Variants in NPAS3 observed in about 807,000 individuals in gnomAD.
The protein encoded by NPAS3 is neuronal PAS domain-containing protein 3.
NPAS3 carries 14 observed loss-of-function variants against 73.1 expected under a neutral mutation model. The ratio of observed to expected loss-of-function variants is 0.19; its 90% CI spans 0.13 to 0.30. NPAS3 has a LOEUF of 0.30. NPAS3 is among the 10% of genes least tolerant of loss of function. The pLI is 1.00. For missense variants in NPAS3, 1,096 were observed against 1,250.0 expected, an observed-to-expected ratio of 0.88 and a Z score of 1.86; for synonymous variants, 620 against 541.5, an observed-to-expected ratio of 1.14 and a Z score of -2.01.
At position 33,347,720 on chromosome 14, in the gene NPAS3, T is replaced by G. The variant is rs73258827; in HGVS notation, c.386-19466T>G. ...AATGGTATAGTATTTGCATATAACC[T>G]AGGTACATCCTCCCATACACTTTAA... On this transcript the variant is annotated intron_variant, in intron 3 of 11. Coordinates refer to ENST00000356141, the Ensembl canonical transcript of NPAS3. Among the ~76,000 whole-genome samples, 303 of 152,338 alleles carry G rather than the reference T, an allele frequency of 2.0e-3. 1 individual carries two copies. The highest frequency in any genetic ancestry group is 6.8e-3 in the African/African-American group (284 of 41,588).
In NPAS3 at chr14:33,644,881, G is replaced by C. The variant is rs952482271; in HGVS notation, c.559-31330G>C. Among the ~76,000 whole-genome samples the C allele has an allele frequency of 3.3e-5, 5 of 152,204 alleles. No homozygotes were observed. In the South Asian group the frequency reaches 1.0e-3, roughly 32 times the overall value. ...GCGGATCACAAGGTCAGGGGTTTGA[G>C]ACCAGCCTCACCAACATGGTGAAAC... On this transcript the variant is annotated intron_variant, in intron 5 of 11. Coordinates refer to ENST00000356141, the Ensembl canonical transcript of NPAS3.
At chr14:33,531,133 C>G (rs1308829672) in intron 4 of NPAS3, among the ~76,000 whole-genome samples, 4 of 151,930 alleles carry the variant, frequency 2.6e-5, no homozygotes, top group Non-Finnish European at 2.9e-5. Flanking sequence ...GCCCCTTGGA[C>G]CATTATATAG....
chr14:33,383,336 C>T (rs954519767), intron 4 of NPAS3, among the ~76,000 whole-genome samples: 5 of 152,070 alleles, frequency 3.3e-5, no homozygotes, highest in African/African-American at 1.2e-4. Context: ...CATATAACTT[C>T]CAACTGATTG....
chr14:33,188,335 T>G (rs1413154730), intron 2 of NPAS3, among the ~76,000 whole-genome samples: 1 of 152,126 alleles, frequency 6.6e-6, no homozygotes, highest in African/African-American at 2.4e-5. Flanking sequence ...ACTGTATGAG[T>G]TTTTCTTATC....
At chr14:33,475,896 C>T (rs532479290) in intron 4 of NPAS3, among the ~76,000 whole-genome samples, 1 of 152,288 alleles carries the variant, frequency 6.6e-6, no homozygotes, top group South Asian at 2.1e-4. Flanking sequence ...AGCTGCCTGG[C>T]CTGGCTTCTC....
chr14:33,568,062 C>G (rs1021361904), intron 5 of NPAS3, among the ~76,000 whole-genome samples: 1 of 151,320 alleles, frequency 6.6e-6, no homozygotes, highest in African/African-American at 2.4e-5. Context: ...TTAAAGTGAG[C>G]AAGACAAAAA....
chr14:33,253,979 C>T (rs1176258040), intron 3 of NPAS3, among the ~76,000 whole-genome samples: 1 of 152,120 alleles, frequency 6.6e-6, no homozygotes, highest in Non-Finnish European at 1.5e-5. Flanking sequence ...ATCCACCCAG[C>T]TACCCAAATA....
intron 1 of NPAS3, among the ~76,000 whole-genome samples, chr14:33,053,092 T>G (rs2040767237): frequency 6.6e-6 from 1 of 152,242 alleles, no homozygotes; most frequent in Admixed American, 6.5e-5. Context: ...TCATCTGTTC[T>G]TGTTTGCACA....
At chr14:33,110,726 G>A (rs1348631745) in intron 2 of NPAS3, among the ~76,000 whole-genome samples, 1 of 152,142 alleles carries the variant, frequency 6.6e-6, no homozygotes, top group Non-Finnish European at 1.5e-5. Flanking sequence ...GGATTCATAT[G>A]TTGAAAGGCA....
At chr14:33,623,501 G>GT (rs1450782271) in intron 5 of NPAS3, among the ~76,000 whole-genome samples, 8 of 152,178 alleles carry the variant, frequency 5.3e-5, no homozygotes, top group Non-Finnish European at 1.2e-4. Flanking sequence ...AGTTCAGGTC[G>GT]TATCATCTGT....
At chr14:33,397,662 A>G (rs1471680829) in intron 4 of NPAS3, among the ~76,000 whole-genome samples, 1 of 152,158 alleles carries the variant, frequency 6.6e-6, no homozygotes, top group Non-Finnish European at 1.5e-5. Flanking sequence ...TGGTTCTCCC[A>G]AGACATGTAG....
rs1447809968 is a variant in NPAS3 at position 33,800,110 on chromosome 14, GA to G, written c.1807del (p.Arg603GlyfsTer80). 1 of 1,584,570 alleles carries G rather than the reference GA, an allele frequency of 6.3e-7. No homozygotes were observed. On this transcript the variant is annotated frameshift_variant, in exon 12 of 12. Coordinates refer to ENST00000356141, the Ensembl canonical transcript of NPAS3. LOFTEE classifies it high-confidence loss of function. This position sits in a 1 kb window ranked among gnomAD's most constrained non-coding sequence, Gnocchi z 6.5. ...CCTCCAGCAAGCACCAGAAGCGCAAGAAAAGGCGGAAACGGCAAAAGGGCGG... is the reference window on the plus strand; with the variant it reads ...CCTCCAGCAAGCACCAGAAGCGCAAGAAAGGCGGAAACGGCAAAAGGGCGG...
At chr14:33,791,518 C>T (rs186881874) in intron 9 of NPAS3, among the ~76,000 whole-genome samples, 29 of 152,322 alleles carry the variant, frequency 1.9e-4, no homozygotes, top group Non-Finnish European at 3.5e-4. Context: ...TGACACCATA[C>T]GGTCCCTTAG....
At chr14:33,743,181 T>C (rs2061697105) in intron 7 of NPAS3, among the ~76,000 whole-genome samples, 3 of 152,196 alleles carry the variant, frequency 2.0e-5, no homozygotes, top group Admixed American at 2.0e-4. Flanking sequence ...TTGCCCAGAT[T>C]CATCAGAGGA....
At chr14:33,767,479 G>GA (rs375889321) in intron 7 of NPAS3, among the ~76,000 whole-genome samples, 15 of 148,486 alleles carry the variant, frequency 1.0e-4, no homozygotes, top group East Asian at 4.0e-4. Context: ...TTCTACAGAG[G>GA]AAAAAAAAAG....
intron 5 of NPAS3, among the ~76,000 whole-genome samples, chr14:33,654,804 A>G (rs1172989640): frequency 1.3e-5 from 2 of 152,150 alleles, no homozygotes; most frequent in Non-Finnish European, 2.9e-5. Context: ...GAGTCAAGTC[A>G]CTCACAGGGA....
intron 2 of NPAS3, among the ~76,000 whole-genome samples, chr14:33,155,747 G>C (rs1268257487): frequency 6.6e-6 from 1 of 152,154 alleles, no homozygotes; most frequent in Non-Finnish European, 1.5e-5. Flanking sequence ...AGCAGAAATT[G>C]TGTAGGTATC....
chr14:33,371,674 A>G (rs573277282), intron 4 of NPAS3, among the ~76,000 whole-genome samples: 1 of 152,320 alleles, frequency 6.6e-6, no homozygotes, highest in South Asian at 2.1e-4. Context: ...TATCTAATGC[A>G]TATATCAACG....
chr14:33,640,033 C>T (rs1036884446), intron 5 of NPAS3, among the ~76,000 whole-genome samples: 4 of 152,100 alleles, frequency 2.6e-5, no homozygotes, highest in Non-Finnish European at 5.9e-5. Context: ...GCCTGGCCAA[C>T]ATGATAAAAC....
Sources: allele counts gnomAD v4.1 joint callset (sites outside exome capture counted in the v4.1 genomes callset), GRCh38; gene constraint gnomAD v4.1.1; non-coding constraint Gnocchi (gnomAD v3.1); transcripts MANE v1.5; gene names NCBI Gene and HGNC (gene_info 2026-07-23, HGNC 2026-07-21).